The following CCDC183 variants were observed in gnomAD, a reference collection of about 807,000 sequenced individuals.
The protein encoded by CCDC183 is coiled-coil domain-containing protein 183.
CCDC183 carries 63 observed loss-of-function variants against 65.2 expected under a neutral mutation model. The ratio of observed to expected loss-of-function variants is 0.97; its 90% CI spans 0.79 to 1.19. The LOEUF is 1.19. Ranked by LOEUF, CCDC183 falls within the 50% of genes most tolerant of loss-of-function variation. The probability of loss-of-function intolerance (pLI) is 0.00; values close to 1 mark genes in which losing one functional copy is unlikely to be tolerated. For synonymous variants in CCDC183, 323 were observed against 276.5 expected (o/e 1.17, Z -1.67); for missense variants, 769 against 689.3 (o/e 1.12, Z -1.30).
Position 136,806,836 on chromosome 9 carries a change from A to T in CCDC183, c.1358A>T (p.Asp453Val). The T allele has an allele frequency of 6.2e-7, 1 of 1,613,570 alleles. No individual in the cohort carries two copies. The highest frequency in any genetic ancestry group is 8.5e-7 in the Non-Finnish European group (1 of 1,180,012). The part of the protein sequence containing the change: ...YCEGKLTYLA[D>V]RVQMVSRTEE... The stretch of plus-strand genomic sequence containing the variant: ...GAGGGGAAGCTCACGTACCTGGCTG[A>T]CAGAGTGCAGATGGTGTCCAGGACC... The change falls in exon 12 of 14, where the codon GAC becomes GTC. Residue 453 changes from aspartate to valine, a missense_variant. By Grantham distance (152) the Asp-to-Val change is radical. Coordinates refer to ENST00000338005, the MANE Select transcript of CCDC183 (RefSeq NM_001039374.5).
At position 136,804,625 on chromosome 9, in the gene CCDC183, CG is replaced by C. The variant is rs760624538; in HGVS notation, c.792+1del. 1.2e-6 allele frequency: 2 copies of C among 1,613,674 alleles called. No individual in the cohort carries two copies. Among genetic ancestry groups the C allele is most frequent in the South Asian group, 2.2e-5 (2 of 91,076 alleles). On this transcript the variant is annotated frameshift_variant and splice_region_variant, in exon 7 of 14. Transcript: ENST00000338005. LOFTEE classifies it high-confidence loss of function. This position sits in a 1 kb window ranked among gnomAD's most constrained non-coding sequence, Gnocchi z 4.1. ...HTKETSEKYR[R>X]GQMDLDFPSN... ...GAAGGAGACCAGCGAGAAGTACCGC[CG>C]GGTAAGCCCCAGGCCAGGGCCTGGC...
chr9:136,805,466 C>T lies in CCDC183; in HGVS notation c.948+9C>T, dbSNP rs1847827003. On this transcript the variant is annotated intron_variant, in intron 9 of 13. Coordinates refer to ENST00000338005, the MANE Select transcript of CCDC183 (RefSeq NM_001039374.5). ...GGTGCTCTCACGTCTGGGTAATGCC[C>T]CTGGCGCTCCCAGAGAATGGCAGGA... The T allele has an allele frequency of 6.2e-7, 1 of 1,611,282 alleles. No individual in the cohort carries two copies. The highest frequency in any genetic ancestry group is 8.5e-7 in the Non-Finnish European group (1 of 1,177,942).
intron 5 of CCDC183, chr9:136,800,831 G>C (rs769845316): frequency 1.2e-4 from 27 of 234,162 alleles, no homozygotes; most frequent in Non-Finnish European, 2.2e-4. Context: ...GCACCTTTGA[G>C]GGTCCGCTGG....
intron 1 of CCDC183, 58 bp downstream of exon 1, chr9:136,796,525 C>A (rs1225249308): frequency 1.1e-5 from 14 of 1,223,968 alleles, no homozygotes; most frequent in Non-Finnish European, 3.5e-6. Context: ...TCTGGGTGCA[C>A]AACTTTTTGT....
chr9:136,800,183 G>GT lies in CCDC183; in HGVS notation c.438+14_438+15insT, dbSNP rs1847715725. ...CGGCTGCTGCAGGTGGAGAGGCGGG[G>GT]CTGGGAGGGCGGGGCGGAGTCCACT... On this transcript the variant is annotated intron_variant, in intron 4 of 13. Transcript: ENST00000338005. The GT allele has an allele frequency of 6.6e-7, 1 of 1,513,090 alleles. No individual in the cohort carries two copies. 93.7% of individuals were successfully genotyped at this position (1,513,090 alleles called of 1,614,324 possible).
intron 10 of CCDC183, 89 bp from the exon 11 acceptor site, chr9:136,806,412 ACAG>A: frequency 1.3e-6 from 2 of 1,534,118 alleles, no homozygotes; most frequent in Non-Finnish European, 1.8e-6. Context: ...TGATTCTGGC[ACAG>A]CACCCAACTC....
chr9:136,800,069 T>C lies in CCDC183; in HGVS notation c.338T>C (p.Leu113Pro). 1.3e-6 allele frequency: 2 copies of C among 1,579,314 alleles called. No homozygotes were observed. Among genetic ancestry groups the C allele is most frequent in the East Asian group, 2.3e-5 (1 of 43,382 alleles). ...AACATGCACAACCTACTGATCCACC[T>C]GGTGCGGCGGCGCGGGCAGAAGCTG... is the stretch of plus-strand genomic sequence containing the variant. Reference protein sequence around the residue: ...RVNMHNLLIHLVRRRGQKLES... With the variant: ...RVNMHNLLIHPVRRRGQKLES... Residue 113 changes from leucine (L) to proline (P), a missense_variant, in exon 4 of 14, where the codon CTG becomes CCG. Physicochemically the swap from Leu to Pro is moderately conservative, Grantham distance 98 (BLOSUM62 -3). Coordinates refer to ENST00000338005, the MANE Select transcript of CCDC183 (RefSeq NM_001039374.5).
At chr9:136,798,990 T>C in intron 1 of CCDC183, 112 bp from the exon 2 acceptor site, 3 of 1,403,966 alleles carry the variant, frequency 2.1e-6, no homozygotes, top group Non-Finnish European at 1.9e-6. Flanking sequence ...GGAGGGGGCA[T>C]CCCCCTGGAC....
At chr9:136,802,827 C>T (rs773421156) in intron 6 of CCDC183, 41 bp downstream of exon 6, 6 of 1,270,152 alleles carry the variant, frequency 4.7e-6, no homozygotes, top group Non-Finnish European at 6.5e-6. Context: ...CCAGGGCCAG[C>T]CCTCTTGGAT....
At chr9:136,799,470 C>T (rs1847702367) in intron 2 of CCDC183, 1 of 729,314 alleles carries the variant, frequency 1.4e-6, no homozygotes, top group African/African-American at 1.8e-5. Context: ...CAGCAGGGGC[C>T]CCCTCTGGCT....
rs1165303244 is a variant in CCDC183, at chr9:136,800,083, G to A, written c.352G>A (p.Gly118Arg). The change falls in exon 4 of 14, where the codon GGG becomes AGG. Residue 118 changes from glycine to arginine, a missense_variant. Gly to Arg is a moderately radical substitution (Grantham distance 125, BLOSUM62 -2). Transcript: ENST00000338005. Reference protein sequence around the residue: ...NLLIHLVRRRGQKLESMQLEL... With the variant: ...NLLIHLVRRRRQKLESMQLEL... Reference sequence around the variant, plus strand: ...ACTGATCCACCTGGTGCGGCGGCGCGGGCAGAAGCTGGAGAGCATGCAGCT... The same window carrying A: ...ACTGATCCACCTGGTGCGGCGGCGCAGGCAGAAGCTGGAGAGCATGCAGCT... 1.9e-6 allele frequency: 3 copies of A among 1,570,928 alleles called. No homozygotes were observed. The highest frequency in any genetic ancestry group is 1.2e-5 in the South Asian group (1 of 85,950).
In CCDC183 at chr9:136,805,620, C is replaced by T. The variant is rs1423225826; in HGVS notation, c.948+163C>T. 7.8e-5 allele frequency: 47 copies of T among 604,146 alleles called. 1 individual carries two copies. The highest frequency in any genetic ancestry group is 6.4e-4 in the South Asian group (32 of 50,026). 37.4% of individuals were successfully genotyped at this position (604,146 alleles called of 1,614,324 possible). Reference sequence around the variant, plus strand: ...CACACAAAGTGGCAACTCCCTCGGCCGCCCCAAATCCTTTTATCTTAATCC... The same window carrying T: ...CACACAAAGTGGCAACTCCCTCGGCTGCCCCAAATCCTTTTATCTTAATCC... On this transcript the variant is annotated intron_variant, in intron 9 of 13. Transcript: ENST00000338005.
chr9:136,805,036 G>A lies in CCDC183; in HGVS notation c.847+220G>A, dbSNP rs1160674382. ...CCAGCACCCAAGGGCCCTGCACCAAGGGCCCAGTCCCCAGTGACTCTGCAG... is the reference window on the plus strand; with the variant it reads ...CCAGCACCCAAGGGCCCTGCACCAAAGGCCCAGTCCCCAGTGACTCTGCAG... On this transcript the variant is annotated intron_variant, in intron 8 of 13. Coordinates refer to ENST00000338005, the MANE Select transcript of CCDC183 (RefSeq NM_001039374.5). 3 of 600,458 alleles carry A rather than the reference G, an allele frequency of 5.0e-6. No individual in the cohort carries two copies. The African/African-American group carries it at 5.6e-5, about 11-fold the overall frequency. 37.2% of individuals were successfully genotyped at this position (600,458 alleles called of 1,614,324 possible).
chr9:136,799,429 G>A (rs1473625055), intron 2 of CCDC183: 4 of 887,072 alleles, frequency 4.5e-6, no homozygotes, highest in Non-Finnish European at 6.6e-6. Context: ...CACCCAACCC[G>A]AGGGCTTGGC....
At position 136,805,355 on chromosome 9, in the gene CCDC183, A is replaced by C. The variant is rs1205613884; in HGVS notation, c.848-2A>C. On this transcript the variant is annotated splice_acceptor_variant, in intron 8 of 13. Coordinates refer to ENST00000338005, the MANE Select transcript of CCDC183 (RefSeq NM_001039374.5). LOFTEE classifies it high-confidence loss of function. ...GACTGCCCCTCCCCTCTGCTCTGCCAGTGAGGAGAAAAGAGACCTCCACAG... is the reference window on the plus strand; with the variant it reads ...GACTGCCCCTCCCCTCTGCTCTGCCCGTGAGGAGAAAAGAGACCTCCACAG... 6.2e-7 allele frequency: 1 copy of C among 1,611,898 alleles called. No individual in the cohort carries two copies. The highest frequency in any genetic ancestry group is 1.7e-5 in the Admixed American group (1 of 59,760).
At chr9:136,802,218 T>G (rs1293109416) in intron 5 of CCDC183, among the ~76,000 whole-genome samples, 1 of 128,416 alleles carries the variant, frequency 7.8e-6, no homozygotes, top group Non-Finnish European at 1.6e-5. Context: ...CGAGCCATCA[T>G]CTTACAAATG....
In CCDC183 at chr9:136,804,411, G is replaced by A. The variant is rs1847805249; in HGVS notation, c.667-91G>A. The stretch of plus-strand genomic sequence containing the variant: ...GGATGCAGTTCCAAAGTCTAGTAAG[G>A]TGAGCATGGCCAACCGCCCGCTGGC... On this transcript the variant is annotated intron_variant, in intron 6 of 13. Transcript: ENST00000338005. This position sits in a 1 kb window ranked among gnomAD's most constrained non-coding sequence, Gnocchi z 4.1. 2.0e-6 allele frequency: 3 copies of A among 1,491,194 alleles called. No homozygotes were observed. The highest frequency in any genetic ancestry group is 2.7e-6 in the Non-Finnish European group (3 of 1,115,560). 92.4% of individuals were successfully genotyped at this position (1,491,194 alleles called of 1,614,324 possible).
chr9:136,803,972 G>C (rs1437975656), intron 6 of CCDC183: 1 of 163,490 alleles, frequency 6.1e-6, no homozygotes, highest in Non-Finnish European at 1.3e-5. Flanking sequence ...GAAGGTGCCA[G>C]GGCAGAAGCG....
rs886916870 is a variant in CCDC183 at position 136,796,382 on chromosome 9, G to A, written c.-16G>A. ...TTTGAGGTACACAGGGTCCCTTGGG[G>A]GGCCTGAGAGCAGCCATGAGGAGGC... On this transcript the variant is annotated 5_prime_UTR_variant, in exon 1 of 14. Transcript: ENST00000338005. 28 of 1,564,574 alleles carry A rather than the reference G, an allele frequency of 1.8e-5. No individual in the cohort carries two copies. In the East Asian group the frequency reaches 6.0e-4, roughly 33 times the overall value.
Sources: gnomAD v4.1 joint callset for allele counts (sites outside exome capture counted in the v4.1 genomes callset) on GRCh38, gnomAD v4.1.1 for gene constraint, Gnocchi (gnomAD v3.1) non-coding constraint, MANE v1.5 for transcripts, NCBI Gene and HGNC (gene_info 2026-07-23, HGNC 2026-07-21) for gene names.